Variants in CNTRL observed in about 807,000 individuals in gnomAD.
CNTRL encodes the protein centriolin, also known as 110 kDa centrosomal protein.
In CNTRL, 233 loss-of-function variants were observed where a neutral mutation model predicts 303.7. The ratio of observed to expected loss-of-function variants is 0.77; its 90% CI spans 0.69 to 0.86. The LOEUF (loss-of-function observed/expected upper bound fraction) is 0.86. Among genes scored for constraint, CNTRL ranks in the 40% least tolerant of loss-of-function variants. The pLI, the probability that CNTRL is intolerant of heterozygous loss-of-function variation, is 0.00. For missense variants in CNTRL, 2,524 were observed against 2,650.6 expected (o/e 0.95, Z 1.05); for synonymous variants, 900 against 922.2 (o/e 0.98, Z 0.44).
chr9:121,081,073 C>CAGCAA (rs1403246520), intron 2 of CNTRL, among the ~76,000 whole-genome samples: 2 of 152,148 alleles, frequency 1.3e-5, no homozygotes, highest in Non-Finnish European at 2.9e-5. Flanking sequence ...ACCTACCTCT[C>CAGCAA]CAGATTTCTC....
At chr9:121,156,842 A>G (rs1163014947) in intron 27 of CNTRL, among the ~76,000 whole-genome samples, 1 of 152,238 alleles carries the variant, frequency 6.6e-6, no homozygotes, top group African/African-American at 2.4e-5. Flanking sequence ...GTCAGCCGTA[A>G]TTACATTATC....
intron 16 of CNTRL, among the ~76,000 whole-genome samples, chr9:121,139,750 A>G (rs1257804249): frequency 6.6e-6 from 1 of 152,186 alleles, no homozygotes; most frequent in African/African-American, 2.4e-5. Flanking sequence ...GTCAACATTC[A>G]TTGTTTCATT....
chr9:121,139,187 T>G (rs767892722), intron 16 of CNTRL, among the ~76,000 whole-genome samples: 8 of 152,218 alleles, frequency 5.3e-5, no homozygotes, highest in Non-Finnish European at 1.2e-4. Flanking sequence ...TGTCAATATT[T>G]TTATAGCTGT....
intron 7 of CNTRL, among the ~76,000 whole-genome samples, chr9:121,106,337 C>CAA (rs11334928): frequency 3.1e-5 from 3 of 96,560 alleles, no homozygotes; most frequent in Admixed American, 1.1e-4. Context: ...AGACTCCGTC[C>CAA]AAAAAAAAAA....
intron 17 of CNTRL, among the ~76,000 whole-genome samples, chr9:121,140,991 CT>C (rs1046836660): frequency 1.3e-5 from 2 of 151,612 alleles, no homozygotes; most frequent in Non-Finnish European, 2.9e-5. Context: ...CATTTTGGAT[CT>C]TTTTTTTGGT....
At chr9:121,132,076 G>A (rs2050896086) in intron 14 of CNTRL, among the ~76,000 whole-genome samples, 1 of 152,022 alleles carries the variant, frequency 6.6e-6, no homozygotes, top group South Asian at 2.1e-4. Flanking sequence ...TTTCCTTCAT[G>A]TCAACCTTAG....
At chr9:121,152,791 C>A (rs565538188) in intron 26 of CNTRL, 98 bp downstream of exon 26, 493 of 953,866 alleles carry the variant, frequency 5.2e-4, no homozygotes, top group Non-Finnish European at 6.0e-4. Context: ...TCTTGATCTT[C>A]TGTCCAAAAC....
chr9:121,116,443 C>T (rs955196473), intron 11 of CNTRL, among the ~76,000 whole-genome samples: 5 of 152,012 alleles, frequency 3.3e-5, no homozygotes, highest in African/African-American at 1.2e-4. Flanking sequence ...ACCTTAGCTT[C>T]CAGAATAGCT....
chr9:121,158,024 A>G lies in CNTRL; in HGVS notation c.4679A>G (p.Asn1560Ser). The G allele has an allele frequency of 6.2e-7, 1 of 1,614,142 alleles. No homozygotes were observed. Among genetic ancestry groups the G allele is most frequent in the African/African-American group, 1.3e-5 (1 of 75,040 alleles). Residue 1560 changes from asparagine to serine, a missense_variant, in exon 30 of 44, where the codon AAT becomes AGT. Physicochemically the swap from Asn to Ser is conservative, Grantham distance 46. Coordinates refer to ENST00000373855, the MANE Select transcript of CNTRL (RefSeq NM_007018.6). ...LQKDIEMAERNEDHHLQVLKE... is the reference protein window; with the variant it reads ...LQKDIEMAERSEDHHLQVLKE... ...AAAGACATAGAGATGGCAGAACGCA[A>G]TGAGGATCACCACCTGCAGGTCCTT...
chr9:121,164,745 T>C (rs147483053), intron 34 of CNTRL, among the ~76,000 whole-genome samples, 198 bp from the exon 35 acceptor site: 72 of 152,358 alleles, frequency 4.7e-4, no homozygotes, highest in African/African-American at 1.3e-3. Flanking sequence ...TTCAATTTAG[T>C]GAGTCAGTTT....
chr9:121,160,445 A>G, intron 32 of CNTRL, 143 bp downstream of exon 32: 1 of 469,128 alleles, frequency 2.1e-6, no homozygotes, highest in Non-Finnish European at 3.5e-6. Flanking sequence ...TTATAAAAGG[A>G]ATATGATATT....
chr9:121,120,507 C>G (rs2050177918), intron 12 of CNTRL, among the ~76,000 whole-genome samples: 1 of 152,134 alleles, frequency 6.6e-6, no homozygotes, highest in African/African-American at 2.4e-5. Context: ...AAGACATGAA[C>G]TCTATCCTAC....
intron 11 of CNTRL, 109 bp downstream of exon 11, chr9:121,115,309 T>A: frequency 3.7e-6 from 2 of 542,842 alleles, no homozygotes; most frequent in Non-Finnish European, 6.4e-6. Context: ...CCTAGTTAAT[T>A]ATGGAATGAT....
chr9:121,152,733 T>C, intron 26 of CNTRL, 40 bp downstream of exon 26: 1 of 1,417,120 alleles, frequency 7.1e-7, no homozygotes, highest in Non-Finnish European at 9.8e-7. Flanking sequence ...AAATACGATA[T>C]TAGTTCATTA....
chr9:121,134,854 T>C (rs1294705126), intron 14 of CNTRL, among the ~76,000 whole-genome samples: 1 of 152,258 alleles, frequency 6.6e-6, no homozygotes, highest in Non-Finnish European at 1.5e-5. Context: ...AAGTTTCCTC[T>C]TGAGTGAATT....
chr9:121,143,839 C>A, intron 19 of CNTRL, 64 bp from the exon 20 acceptor site: 1 of 1,340,266 alleles, frequency 7.5e-7, no homozygotes, highest in Non-Finnish European at 1.0e-6. Context: ...CCTCCTGGAG[C>A]TTACATCTGA....
At chr9:121,080,959 T>C (rs2048114899) in intron 2 of CNTRL, among the ~76,000 whole-genome samples, 1 of 152,178 alleles carries the variant, frequency 6.6e-6, no homozygotes, top group Admixed American at 6.5e-5. Context: ...AATTATCCGT[T>C]TTTATGCTTA....
intron 8 of CNTRL, 77 bp from the exon 9 acceptor site, chr9:121,112,382 A>AAT: frequency 2.3e-6 from 3 of 1,331,652 alleles, no homozygotes; most frequent in Non-Finnish European, 3.1e-6. Flanking sequence ...ACTTACGATG[A>AAT]GAACTTACCA....
chr9:121,161,764 T>A, intron 32 of CNTRL, 92 bp from the exon 33 acceptor site: 1 of 908,390 alleles, frequency 1.1e-6, no homozygotes, highest in Non-Finnish European at 1.7e-6. Flanking sequence ...AATTGTCTTG[T>A]ATTAGTCAAT....
Sources: gnomAD v4.1 joint callset for allele counts (sites outside exome capture counted in the v4.1 genomes callset) on GRCh38, gnomAD v4.1.1 for gene constraint, MANE v1.5 for transcripts, NCBI Gene and HGNC (gene_info 2026-07-23, HGNC 2026-07-21) for gene names.